Variants in DRC3 observed in about 807,000 individuals in gnomAD.
The protein encoded by DRC3 is leucine rich repeat containing 48.
Under a neutral mutation model 57.6 loss-of-function variants are expected in DRC3, and 45 were observed. The ratio of observed to expected loss-of-function variants is 0.78; its 90% CI spans 0.62 to 1.00. The LOEUF is 1.00. Among genes scored for constraint, DRC3 ranks in the 50% least tolerant of loss-of-function variants. The pLI is 0.00. For missense variants in DRC3, 655 were observed against 675.2 expected (o/e 0.97, Z 0.33); for synonymous variants, 257 against 272.3 (o/e 0.94, Z 0.55).
intron 12 of DRC3, among the ~76,000 whole-genome samples, chr17:18,014,004 C>T (rs1456335682): frequency 6.7e-6 from 1 of 149,790 alleles, no homozygotes; most frequent in African/African-American, 2.5e-5. Flanking sequence ...GCAATCTTGG[C>T]TCACTGCAAC....
At position 18,016,756 on chromosome 17, in the gene DRC3, C is replaced by G; in HGVS notation, c.*85C>G. The G allele has an allele frequency of 1.3e-6, 1 of 771,348 alleles. No individual in the cohort carries two copies. The highest frequency in any genetic ancestry group is 1.7e-5 in the South Asian group (1 of 58,404). The allele number at this position is 771,348 out of a possible 1,614,324, so 47.8% of individuals were successfully genotyped here. A position where few individuals can be genotyped will look rare whatever the true frequency, so the allele number is the denominator to read the frequency against. On this transcript the variant is annotated 3_prime_UTR_variant, in exon 14 of 14. Coordinates refer to ENST00000399187, the MANE Select transcript of DRC3 (RefSeq NM_031294.4). ...AAGTGCACACGCCTCACCCGCACCTCTAGAGAGTTGCTGGGCATCTCTCAA... is the reference window on the plus strand; with the variant it reads ...AAGTGCACACGCCTCACCCGCACCTGTAGAGAGTTGCTGGGCATCTCTCAA...
chr17:17,988,468 C>G, intron 5 of DRC3: 1 of 190,778 alleles, frequency 5.2e-6, no homozygotes, highest in Non-Finnish European at 1.1e-5. Context: ...CCAGCACACA[C>G]CCCCATAGTC....
intron 12 of DRC3, chr17:18,010,946 T>TTTG (rs1568544911): frequency 3.7e-5 from 9 of 242,996 alleles, no homozygotes; most frequent in Middle Eastern, 1.5e-3. Context: ...GAGGTTTTTT[T>TTTG]TTTGTTTGTT....
rs1012100068 is a variant in DRC3, at chr17:18,003,320, T to C, written c.1000-1043T>C. The stretch of plus-strand genomic sequence containing the variant: ...CAAGATGGTGAAACCCCGTCTCTAC[T>C]AAAAATACAAAAAAAATTAGCCGGT... On this transcript the variant is annotated intron_variant, in intron 9 of 13. Coordinates refer to ENST00000399187, the MANE Select transcript of DRC3 (RefSeq NM_031294.4). 2.0e-5 allele frequency among the ~76,000 whole-genome samples: 3 copies of C among 150,958 alleles called. No individual in the cohort carries two copies. In the East Asian group the frequency reaches 5.9e-4, roughly 30 times the overall value.
intron 12 of DRC3, among the ~76,000 whole-genome samples, chr17:18,014,772 C>T (rs138593104): frequency 6.6e-6 from 1 of 152,302 alleles, no homozygotes; most frequent in African/African-American, 2.4e-5. Context: ...ATAACCAGGA[C>T]ACCCACTCCT....
intron 11 of DRC3, 60 bp downstream of exon 11, chr17:18,006,313 C>A: frequency 7.9e-7 from 1 of 1,260,858 alleles, no homozygotes; most frequent in East Asian, 2.4e-5. Context: ...TGGGCTTGTC[C>A]CGGCCTCTGG....
At chr17:17,992,679 GA>G in intron 5 of DRC3, 85 bp from the exon 6 acceptor site, 1 of 1,438,414 alleles carries the variant, frequency 7.0e-7, no homozygotes, top group Non-Finnish European at 9.4e-7. Flanking sequence ...GGCTGACTCT[GA>G]AAGAGTACTG....
intron 7 of DRC3, 35 bp downstream of exon 7, chr17:17,994,453 C>T: frequency 6.5e-7 from 1 of 1,547,078 alleles, no homozygotes; most frequent in Non-Finnish European, 8.7e-7. Flanking sequence ...CCTCGGCCCC[C>T]TCAGATGCCC....
At chr17:18,003,342 C>T (rs999376889) in intron 9 of DRC3, among the ~76,000 whole-genome samples, 2 of 151,360 alleles carry the variant, frequency 1.3e-5, no homozygotes, top group African/African-American at 2.4e-5. Context: ...AAAAATTAGC[C>T]GGTCATAATG....
intron 9 of DRC3, among the ~76,000 whole-genome samples, chr17:18,003,464 A>G (rs1333139146): frequency 8.8e-6 from 1 of 113,194 alleles, no homozygotes; most frequent in Admixed American, 1.2e-4. Context: ...AGCCTGGGTG[A>G]CAGAGTGAGA....
At position 18,007,023 on chromosome 17, in the gene DRC3, C is replaced by G. The variant is rs528447711; in HGVS notation, c.1203-1C>G. On this transcript the variant is annotated splice_acceptor_variant, in intron 11 of 13. Coordinates refer to ENST00000399187, the MANE Select transcript of DRC3 (RefSeq NM_031294.4). LOFTEE classifies it high-confidence loss of function. ...GGCCTTTGCTTAACTCGGGGCTGCA[C>G]GATGGCTCAGTGCCGGGACCTGGAG... 27 of 1,612,966 alleles carry G rather than the reference C, an allele frequency of 1.7e-5. No homozygotes were observed. The Admixed American group carries it at 2.8e-4, about 17-fold the overall frequency.
At chr17:18,003,500 A>G (rs865805655) in intron 9 of DRC3, among the ~76,000 whole-genome samples, 1 of 144,904 alleles carries the variant, frequency 6.9e-6, no homozygotes, top group East Asian at 2.2e-4. Flanking sequence ...AAAAAAAAAA[A>G]AAAAAAAAAA....
chr17:18,010,939 G>GTTT, intron 12 of DRC3: 5 of 235,662 alleles, frequency 2.1e-5, no homozygotes, highest in South Asian at 4.4e-5. Context: ...CAAGGATGAG[G>GTTT]TTTTTTTTTT....
intron 3 of DRC3, among the ~76,000 whole-genome samples, chr17:17,980,520 C>T (rs1286989127): frequency 6.6e-6 from 1 of 151,750 alleles, no homozygotes; most frequent in African/African-American, 2.4e-5. Context: ...GTTTCGAACT[C>T]CTGAGCTCAG....
rs1023570500 is a variant in DRC3, at chr17:17,980,244, T to G, written c.160+2486T>G. Reference sequence around the variant, plus strand: ...ATTGAAACGGCAGCTGGACTGTATGTTTTTTTTTTGTTTGTTTGTTTGTTT... The same window carrying G: ...ATTGAAACGGCAGCTGGACTGTATGGTTTTTTTTTGTTTGTTTGTTTGTTT... On this transcript the variant is annotated intron_variant, in intron 3 of 13. Coordinates refer to ENST00000399187, the MANE Select transcript of DRC3 (RefSeq NM_031294.4). Among the ~76,000 whole-genome samples, 25 of 146,532 alleles carry G rather than the reference T, an allele frequency of 1.7e-4. No homozygotes were observed. In the East Asian group the frequency reaches 2.0e-3, roughly 12 times the overall value.
chr17:17,987,860 G>A (rs550799912), intron 4 of DRC3, 72 bp from the exon 5 acceptor site: 1 of 1,527,964 alleles, frequency 6.5e-7, no homozygotes, highest in East Asian at 2.3e-5. Flanking sequence ...CAGTAGCCCT[G>A]ATGGTTTTAT....
At chr17:18,013,851 A>G (rs1054074009) in intron 12 of DRC3, among the ~76,000 whole-genome samples, 3 of 152,220 alleles carry the variant, frequency 2.0e-5, no homozygotes, top group Admixed American at 1.3e-4. Context: ...CCCTGATCTG[A>G]TCACTATACA....
intron 8 of DRC3, among the ~76,000 whole-genome samples, chr17:17,996,082 G>T (rs576996312): frequency 6.6e-6 from 1 of 152,198 alleles, no homozygotes; most frequent in Non-Finnish European, 1.5e-5. Context: ...GTGCAATTGC[G>T]CAATCTCAGC....
rs751138192 is a variant in DRC3 at position 17,991,284 on chromosome 17, C to CTTTTTT, written c.445-1462_445-1457dup. On this transcript the variant is annotated intron_variant, in intron 5 of 13. Coordinates refer to ENST00000399187, the MANE Select transcript of DRC3 (RefSeq NM_031294.4). ...CTAGATGCTATCCAATGAAGTATTG[C>CTTTTTT]TTTTTTTTTTTTTTTTTTTTTTTTG... Among the ~76,000 whole-genome samples the CTTTTTT allele has an allele frequency of 2.2e-3, 166 of 74,000 alleles. 2 individuals are homozygous for CTTTTTT. Among genetic ancestry groups the CTTTTTT allele is most frequent in the Non-Finnish European group, 2.6e-3 (110 of 42,478 alleles). 48.5% of individuals were successfully genotyped at this position (74,000 alleles called of 152,430 possible). A position where few individuals can be genotyped will look rare whatever the true frequency, so the allele number is the denominator to read the frequency against.
Sources: gnomAD v4.1 joint callset for allele counts (sites outside exome capture counted in the v4.1 genomes callset) on GRCh38, gnomAD v4.1.1 for gene constraint, MANE v1.5 for transcripts, NCBI Gene and HGNC (gene_info 2026-07-23, HGNC 2026-07-21) for gene names.